The following PRKACB variants were observed in gnomAD, a reference collection of about 807,000 sequenced individuals.
The protein encoded by PRKACB is protein kinase cAMP-activated catalytic subunit beta.
PRKACB carries 16 observed loss-of-function variants against 51.4 expected under a neutral mutation model. That is an observed-to-expected ratio of 0.31 (90% CI 0.21 to 0.47). The LOEUF is 0.47. Among genes scored for constraint, PRKACB ranks in the 20% least tolerant of loss-of-function variants. The pLI, the probability that PRKACB is intolerant of heterozygous loss-of-function variation, is 1.00. For synonymous variants in PRKACB, 147 were observed against 154.4 expected (o/e 0.95, Z 0.35); for missense variants, 309 against 464.5 (o/e 0.67, Z 3.08).
chr1:84,096,457 T>C (rs955492420), intron 1 of PRKACB, among the ~76,000 whole-genome samples: 12 of 152,170 alleles, frequency 7.9e-5, no homozygotes, highest in African/African-American at 2.9e-4. Context: ...TTCCATTTTT[T>C]TCCCTTGTCA....
At position 84,238,068 on chromosome 1, in the gene PRKACB, T is replaced by C. The variant is rs1347023977; in HGVS notation, c.*2763T>C. The C allele has an allele frequency of 6.6e-6, 1 of 152,176 alleles. No homozygotes were observed. Among genetic ancestry groups the C allele is most frequent in the Non-Finnish European group, 1.5e-5 (1 of 68,002 alleles). The allele number at this position is 152,176 out of a possible 1,614,324, so 9.4% of individuals were successfully genotyped here. ...GACAGTGTTCTTAAAATTATTTGAA[T>C]ATCATAAGAGCCTTGGTGTCTGTCC... On this transcript the variant is annotated 3_prime_UTR_variant, in exon 10 of 10. Coordinates refer to ENST00000370685, the MANE Select transcript of PRKACB (RefSeq NM_182948.4).
chr1:84,216,344 A>T (rs1308700782), intron 9 of PRKACB, among the ~76,000 whole-genome samples: 1 of 152,058 alleles, frequency 6.6e-6, no homozygotes, highest in Admixed American at 6.6e-5. Context: ...GTCTCAAAGA[A>T]ATAAATAAAT....
chr1:84,108,336 G>T (rs190218548), intron 1 of PRKACB, among the ~76,000 whole-genome samples: 55 of 151,936 alleles, frequency 3.6e-4, no homozygotes, highest in Admixed American at 3.3e-3. Flanking sequence ...GGTGGAAGGC[G>T]GGAGGAGGGA....
chr1:84,223,530 C>T (rs1309863626), intron 9 of PRKACB, among the ~76,000 whole-genome samples: 5 of 151,882 alleles, frequency 3.3e-5, no homozygotes, highest in East Asian at 1.9e-4. Context: ...CACCATGCCC[C>T]GGCTAATTTT....
At position 84,144,517 on chromosome 1, in the gene PRKACB, C is replaced by T. The variant is rs139854250; in HGVS notation, c.156C>T (p.Phe52=). ...CTCTGGAAAATGACAGCCTTCATTT[C>T]TCTGAACATACTGCCTTATGGGACA... ...KTALENDSLH[F]SEHTALWDRS... The change falls in exon 1 of 10, where the codon TTC becomes TTT. Residue 52 remains phenylalanine (F), a synonymous_variant. Coordinates refer to ENST00000370685, the MANE Select transcript of PRKACB (RefSeq NM_182948.4). 9.9e-6 allele frequency: 16 copies of T among 1,609,962 alleles called. No individual in the cohort carries two copies. The highest frequency in any genetic ancestry group is 1.4e-5 in the Non-Finnish European group (16 of 1,178,616).
intron 8 of PRKACB, among the ~76,000 whole-genome samples, chr1:84,209,625 G>A (rs115097911): frequency 0.011 from 1,713 of 152,170 alleles, 42 homozygotes; most frequent in African/African-American, 0.039. Context: ...TCAAAACCTT[G>A]CAAGGATTCC....
intron 1 of PRKACB, among the ~76,000 whole-genome samples, chr1:84,157,167 A>G (rs1191401529): frequency 6.6e-6 from 1 of 152,050 alleles, no homozygotes. Flanking sequence ...ATGCAGATCT[A>G]TTTACCTTCT....
In PRKACB at chr1:84,210,938, T is replaced by C. The variant is rs754888412; in HGVS notation, c.907-3215T>C. On this transcript the variant is annotated intron_variant, in intron 8 of 9. Transcript: ENST00000370685. The stretch of plus-strand genomic sequence containing the variant: ...CTTTCACAATGACTTTCATTATTTC[T>C]CCCCCAAAATACTTTAAATATGTGA... Among the ~76,000 whole-genome samples, 186 of 152,118 alleles carry C rather than the reference T, an allele frequency of 1.2e-3. 5 individuals carry two copies. The highest frequency in any genetic ancestry group is 7.5e-4 in the Non-Finnish European group (51 of 68,018).
At chr1:84,142,592 A>G (rs978897732), upstream of PRKACB, among the ~76,000 whole-genome samples, 8 of 152,222 alleles carry the variant, frequency 5.3e-5, no homozygotes, top group African/African-American at 1.9e-4. Context: ...GTTTAGATTG[A>G]TAAAAATTTT....
intron 2 of PRKACB, among the ~76,000 whole-genome samples, chr1:84,180,208 A>ATATATATGTG (rs933229907): frequency 7.7e-6 from 1 of 129,942 alleles, no homozygotes; most frequent in African/African-American, 2.7e-5. Flanking sequence ...ATATATATAT[A>ATATATATGTG]TGTATGATGG....
At chr1:84,083,233 G>A (rs1647686698) in intron 1 of PRKACB, among the ~76,000 whole-genome samples, 1 of 152,068 alleles carries the variant, frequency 6.6e-6, no homozygotes, top group South Asian at 2.1e-4. Context: ...AGAGGTACTG[G>A]GGAAGTCTTT....
At chr1:84,109,150 A>G in intron 1 of PRKACB, among the ~76,000 whole-genome samples, 1 of 151,904 alleles carries the variant, frequency 6.6e-6, no homozygotes, top group East Asian at 1.9e-4. Flanking sequence ...ATGTTCTACT[A>G]TTGATGGGAT....
intron 2 of PRKACB, among the ~76,000 whole-genome samples, chr1:84,181,293 C>G (rs983276439): frequency 2.6e-5 from 4 of 151,934 alleles, no homozygotes; most frequent in African/African-American, 9.7e-5. Flanking sequence ...ACTGGGCCTT[C>G]AGAATATTTT....
intron 1 of PRKACB, among the ~76,000 whole-genome samples, chr1:84,122,633 C>T (rs1218374634): frequency 6.6e-6 from 1 of 152,042 alleles, no homozygotes; most frequent in East Asian, 1.9e-4. Context: ...TTGAACTTAC[C>T]AAATTAAATG....
At chr1:84,181,691 A>G (rs1427182356) in intron 2 of PRKACB, 4 of 1,524,652 alleles carry the variant, frequency 2.6e-6, no homozygotes, top group East Asian at 2.5e-5. Flanking sequence ...ATAAGCTTAT[A>G]TAAAGACAGA....
chr1:84,115,524 TTTAA>T (rs1185535149), intron 1 of PRKACB, among the ~76,000 whole-genome samples: 3 of 151,848 alleles, frequency 2.0e-5, no homozygotes, highest in Non-Finnish European at 4.4e-5. Flanking sequence ...AGCTTTTTAG[TTTAA>T]TTAAGTTTCA....
chr1:84,092,909 C>T (rs1243232058), intron 1 of PRKACB, among the ~76,000 whole-genome samples: 14 of 150,254 alleles, frequency 9.3e-5, no homozygotes, highest in Non-Finnish European at 2.1e-4. Context: ...CAGGTATTTC[C>T]CCATCCCTTT....
intron 1 of PRKACB, among the ~76,000 whole-genome samples, chr1:84,155,664 G>A (rs956246377): frequency 1.3e-5 from 2 of 152,170 alleles, no homozygotes; most frequent in African/African-American, 4.8e-5. Context: ...CATTCAGAAA[G>A]AAGTAATAAG....
intron 1 of PRKACB, among the ~76,000 whole-genome samples, chr1:84,159,168 A>G (rs1367084044): frequency 6.6e-6 from 1 of 152,098 alleles, no homozygotes; most frequent in African/African-American, 2.4e-5. Context: ...GTCAGTTTCT[A>G]AAGAAAAGCT....
Sources: gnomAD v4.1 joint callset for allele counts (sites outside exome capture counted in the v4.1 genomes callset) on GRCh38, gnomAD v4.1.1 for gene constraint, MANE v1.5 for transcripts, NCBI Gene and HGNC (gene_info 2026-07-23, HGNC 2026-07-21) for gene names.